IMPG1: variants seen among roughly 807,000 people sequenced by gnomAD.
IMPG1 encodes the protein interphotoreceptor matrix proteoglycan of 150 kDa.
In IMPG1, 85 loss-of-function variants were observed where a neutral mutation model predicts 92.0. That is an observed-to-expected ratio of 0.92 (90% CI 0.78 to 1.11). The LOEUF (loss-of-function observed/expected upper bound fraction) is 1.11. IMPG1 is among the 50% of genes least tolerant of loss of function. IMPG1 has a pLI of 0.00. For synonymous variants in IMPG1, 367 were observed against 334.1 expected (o/e 1.10, Z -1.08); for missense variants, 1,022 against 956.0 (o/e 1.07, Z -0.91).
intron 1 of IMPG1, among the ~76,000 whole-genome samples, chr6:76,046,460 TGAG>T (rs895574813): frequency 3.3e-5 from 5 of 152,170 alleles, no homozygotes; most frequent in African/African-American, 1.2e-4. Context: ...TAAGTACAGA[TGAG>T]GAACAGCTGT....
At chr6:75,964,989 A>C (rs903112822) in intron 12 of IMPG1, among the ~76,000 whole-genome samples, 1 of 152,162 alleles carries the variant, frequency 6.6e-6, no homozygotes, top group African/African-American at 2.4e-5. Flanking sequence ...TTTCTTACTC[A>C]GTATAACTCT....
chr6:75,926,433 T>C (rs1781550783), intron 15 of IMPG1, among the ~76,000 whole-genome samples: 1 of 152,240 alleles, frequency 6.6e-6, no homozygotes, highest in South Asian at 2.1e-4. Flanking sequence ...AGGTGTAGCA[T>C]GTGAGTGAAC....
chr6:75,963,866 T>G (rs1315768093), intron 12 of IMPG1, among the ~76,000 whole-genome samples: 1 of 152,224 alleles, frequency 6.6e-6, no homozygotes, highest in South Asian at 2.1e-4. Flanking sequence ...CTCAAAAGGC[T>G]GGCCTTTATC....
Position 76,024,626 on chromosome 6 carries a change from A to G in IMPG1, c.562+568T>C, listed in dbSNP as rs560871958. 5.9e-5 allele frequency among the ~76,000 whole-genome samples: 9 copies of G among 151,390 alleles called. No homozygotes were observed. In the South Asian group the frequency reaches 1.9e-3, roughly 31 times the overall value. On this transcript the variant is annotated intron_variant, in intron 5 of 16. Coordinates refer to ENST00000369950, the MANE Select transcript of IMPG1 (RefSeq NM_001563.4). ...GAAAAAAAATTTGGCAAAATTTATTAAAAGCCTTAAAATCCATAGTGTTTG... is the reference window on the plus strand; with the variant it reads ...GAAAAAAAATTTGGCAAAATTTATTGAAAGCCTTAAAATCCATAGTGTTTG...
At chr6:75,945,358 C>CTT (rs71678760) in intron 14 of IMPG1, among the ~76,000 whole-genome samples, 8 of 122,784 alleles carry the variant, frequency 6.5e-5, no homozygotes, top group South Asian at 2.6e-4. Flanking sequence ...TTTTTTTTTT[C>CTT]TTTTTTTTTT....
chr6:75,962,017 T>C (rs948154539), intron 12 of IMPG1, among the ~76,000 whole-genome samples: 1 of 152,204 alleles, frequency 6.6e-6, no homozygotes, highest in African/African-American at 2.4e-5. Context: ...TACCCAGGTG[T>C]AAAATGCAAC....
intron 12 of IMPG1, among the ~76,000 whole-genome samples, chr6:75,954,457 GTTGT>G (rs1453250209): frequency 6.6e-6 from 1 of 152,050 alleles, no homozygotes; most frequent in Non-Finnish European, 1.5e-5. Context: ...TTTTGATGGG[GTTGT>G]TTGTTTTTTC....
At chr6:76,012,597 A>T (rs976899075) in intron 7 of IMPG1, among the ~76,000 whole-genome samples, 1 of 152,150 alleles carries the variant, frequency 6.6e-6, no homozygotes, top group Non-Finnish European at 1.5e-5. Context: ...TGAGGAAGGG[A>T]TAGTGGTTGA....
intron 1 of IMPG1, among the ~76,000 whole-genome samples, chr6:76,068,463 T>A (rs1458211428): frequency 6.6e-6 from 1 of 151,848 alleles, no homozygotes; most frequent in Non-Finnish European, 1.5e-5. Context: ...TGGAAAATCA[T>A]TTGATGGTAA....
intron 12 of IMPG1, among the ~76,000 whole-genome samples, chr6:75,989,547 C>T (rs2149472624): frequency 6.6e-6 from 1 of 152,276 alleles, no homozygotes; most frequent in South Asian, 2.1e-4. Flanking sequence ...AAACTCTAAG[C>T]ATATGCACAT....
chr6:75,983,372 A>G (rs940540701), intron 12 of IMPG1, among the ~76,000 whole-genome samples: 1 of 152,140 alleles, frequency 6.6e-6, no homozygotes, highest in Non-Finnish European at 1.5e-5. Flanking sequence ...TGGCATAAAA[A>G]CAGACATACA....
chr6:76,051,980 C>G (rs191415243), intron 1 of IMPG1, among the ~76,000 whole-genome samples: 28 of 146,002 alleles, frequency 1.9e-4, no homozygotes, highest in African/African-American at 6.7e-4. Context: ...TGCACACACA[C>G]AAGAAAAAAA....
At chr6:75,976,722 C>T (rs1023398416) in intron 12 of IMPG1, among the ~76,000 whole-genome samples, 38 of 151,824 alleles carry the variant, frequency 2.5e-4, no homozygotes, top group South Asian at 1.9e-3. Flanking sequence ...CCATCCTGGC[C>T]AACACGGTGA....
chr6:76,007,416 A>G (rs1582100270), intron 9 of IMPG1, 64 bp downstream of exon 9: 3 of 1,211,578 alleles, frequency 2.5e-6, no homozygotes, highest in Middle Eastern at 1.9e-4. Flanking sequence ...TTTGTGCAAA[A>G]TCAGTATATA....
chr6:75,975,644 T>G (rs1453562395), intron 12 of IMPG1, among the ~76,000 whole-genome samples: 1 of 152,234 alleles, frequency 6.6e-6, no homozygotes, highest in Non-Finnish European at 1.5e-5. Context: ...AATTTCAACA[T>G]TACATTTTAT....
In IMPG1 at chr6:76,067,600, A is replaced by G. The variant is rs543889256; in HGVS notation, c.67+4822T>C. ...CCAGGTAGATTTACAGCTGATTTCT[A>G]CCAGACATACAAAAAAGAATGGGTA... On this transcript the variant is annotated intron_variant, in intron 1 of 16. Transcript: ENST00000369950. Among the ~76,000 whole-genome samples, 3 of 152,250 alleles carry G rather than the reference A, an allele frequency of 2.0e-5. No homozygotes were observed. In the South Asian group the frequency reaches 6.2e-4, roughly 32 times the overall value.
At chr6:75,922,903 A>AT (rs527901677) in intron 16 of IMPG1, among the ~76,000 whole-genome samples, 8,767 of 148,796 alleles carry the variant, frequency 0.059, 304 homozygotes, top group South Asian at 0.13. Flanking sequence ...ACTTTGAGGC[A>AT]TTTTTTTTTT....
intron 12 of IMPG1, among the ~76,000 whole-genome samples, chr6:75,964,546 G>A (rs1407362627): frequency 3.3e-5 from 5 of 151,642 alleles, no homozygotes; most frequent in East Asian, 1.9e-4. Context: ...GTGTGGTGGC[G>A]GGCGCCTGTA....
At chr6:76,034,474 T>TA in intron 3 of IMPG1, 131 bp from the exon 4 acceptor site, 1 of 1,218,482 alleles carries the variant, frequency 8.2e-7, no homozygotes, top group Non-Finnish European at 1.2e-6. Flanking sequence ...TTTGCAAGAA[T>TA]AAAATTTCTA....
Sources: gnomAD v4.1 joint callset for allele counts (sites outside exome capture counted in the v4.1 genomes callset) on GRCh38, gnomAD v4.1.1 for gene constraint, MANE v1.5 for transcripts, NCBI Gene and HGNC (gene_info 2026-07-23, HGNC 2026-07-21) for gene names.